Variants in CCDC102B observed in about 807,000 individuals in gnomAD.
CCDC102B encodes the protein coiled-coil domain containing 102B.
CCDC102B carries 75 observed loss-of-function variants against 57.4 expected under a neutral mutation model. The observed-to-expected ratio is 1.31, with a 90% CI of 1.08 to 1.58. CCDC102B has a LOEUF of 1.58. Among genes scored for constraint, CCDC102B ranks in the 40% most tolerant of loss-of-function variants. The pLI is 0.00. For synonymous variants in CCDC102B, 206 were observed against 201.9 expected, an observed-to-expected ratio of 1.02 and a Z score of -0.17; for missense variants, 636 against 582.6, an observed-to-expected ratio of 1.09 and a Z score of -0.94.
chr18:68,958,785 A>G (rs548955598), intron 6 of CCDC102B, among the ~76,000 whole-genome samples: 63 of 152,214 alleles, frequency 4.1e-4, no homozygotes, highest in South Asian at 1.2e-3. Flanking sequence ...CTGTTAACAG[A>G]CAGTGATCCA....
At chr18:69,046,216 C>A (rs1363431868) in intron 7 of CCDC102B, among the ~76,000 whole-genome samples, 1 of 152,100 alleles carries the variant, frequency 6.6e-6, no homozygotes, top group African/African-American at 2.4e-5. Context: ...CACTCCCACC[C>A]AAAATGCATA....
intron 1 of CCDC102B, among the ~76,000 whole-genome samples, chr18:68,821,799 C>T (rs1269261788): frequency 1.3e-5 from 2 of 151,776 alleles, no homozygotes; most frequent in African/African-American, 4.8e-5. Flanking sequence ...TTTTAAACAT[C>T]TAATAACCAT....
At chr18:68,812,454 G>A (rs1473294290) in intron 1 of CCDC102B, among the ~76,000 whole-genome samples, 1 of 152,072 alleles carries the variant, frequency 6.6e-6, no homozygotes, top group African/African-American at 2.4e-5. Context: ...TCATTATAAA[G>A]CAATAGAAAA....
intron 6 of CCDC102B, among the ~76,000 whole-genome samples, chr18:68,982,478 C>G (rs1453201929): frequency 1.3e-5 from 2 of 151,838 alleles, no homozygotes; most frequent in Non-Finnish European, 1.5e-5. Context: ...ATGTACTCAC[C>G]TAAACATTTT....
At chr18:68,906,334 T>A (rs2040642163) in intron 6 of CCDC102B, among the ~76,000 whole-genome samples, 1 of 152,194 alleles carries the variant, frequency 6.6e-6, no homozygotes, top group African/African-American at 2.4e-5. Context: ...TTGGGGTATA[T>A]ATCTAGGTGT....
chr18:68,715,388 T>C (rs1421094473), intron 1 of CCDC102B: 1 of 356,396 alleles, frequency 2.8e-6, no homozygotes, highest in Non-Finnish European at 4.3e-6. Context: ...CACTTGCAGG[T>C]TGAATACTGG....
chr18:68,731,983 A>G (rs2032890464), intron 2 of CCDC102B, among the ~76,000 whole-genome samples: 1 of 44,778 alleles, frequency 2.2e-5, no homozygotes, highest in Admixed American at 2.7e-4. Flanking sequence ...AAGTTATAGC[A>G]TCTGCTAAAT....
rs970259137 is a variant in CCDC102B, at chr18:68,798,731, T to C, written c.-16+550T>C. On this transcript the variant is annotated intron_variant, in intron 1 of 7. Transcript: ENST00000360242. ...TTGATTTCTTTACATGCTACCTGTA[T>C]AGTGTGGAGGAGACAGGGATACAGA... is the stretch of plus-strand genomic sequence containing the variant. Among the ~76,000 whole-genome samples the C allele has an allele frequency of 3.3e-5, 5 of 152,082 alleles. No homozygotes were observed. In the South Asian group the frequency reaches 1.0e-3, roughly 31 times the overall value.
At chr18:68,784,619 C>G (rs959463616) in intron 2 of CCDC102B, among the ~76,000 whole-genome samples, 1 of 151,976 alleles carries the variant, frequency 6.6e-6, no homozygotes, top group Non-Finnish European at 1.5e-5. Flanking sequence ...ATATGTTTTA[C>G]CACTCAATCA....
At chr18:68,811,915 G>C (rs1345231564) in intron 1 of CCDC102B, among the ~76,000 whole-genome samples, 1 of 152,148 alleles carries the variant, frequency 6.6e-6, no homozygotes, top group Non-Finnish European at 1.5e-5. Context: ...AATATGCTGA[G>C]AATGTTCACT....
At chr18:68,949,643 C>T (rs751505513) in intron 6 of CCDC102B, among the ~76,000 whole-genome samples, 9 of 152,040 alleles carry the variant, frequency 5.9e-5, no homozygotes, top group Non-Finnish European at 1.2e-4. Context: ...GACAAAGGAA[C>T]GATTTTCCTA....
At chr18:69,008,555 C>T (rs927632312) in intron 6 of CCDC102B, among the ~76,000 whole-genome samples, 8 of 152,154 alleles carry the variant, frequency 5.3e-5, no homozygotes, top group South Asian at 2.1e-4. Flanking sequence ...CTTCATTTGA[C>T]GCTCATGTCT....
intron 5 of CCDC102B, among the ~76,000 whole-genome samples, chr18:68,892,643 A>G (rs561067765): frequency 1.3e-5 from 2 of 152,124 alleles, no homozygotes; most frequent in South Asian, 2.1e-4. Flanking sequence ...AAACTATGCA[A>G]TTTTCAAAGG....
At chr18:68,815,110 T>C (rs1377123953) in intron 1 of CCDC102B, among the ~76,000 whole-genome samples, 3 of 152,192 alleles carry the variant, frequency 2.0e-5, no homozygotes, top group African/African-American at 7.2e-5. Context: ...ATAATAAACA[T>C]GATTTTTTAT....
At chr18:68,986,761 GT>G (rs1279532671) in intron 6 of CCDC102B, among the ~76,000 whole-genome samples, 3 of 151,698 alleles carry the variant, frequency 2.0e-5, no homozygotes, top group Admixed American at 2.0e-4. Flanking sequence ...ACAAAAGTCA[GT>G]GGCATTTCTA....
Position 68,836,750 on chromosome 18 carries a change from T to C in CCDC102B, c.-14T>C, listed in dbSNP as rs2037389906. 6.2e-7 allele frequency: 1 copy of C among 1,603,446 alleles called. No homozygotes were observed. The highest frequency in any genetic ancestry group is 1.3e-5 in the African/African-American group (1 of 74,456). ...ATTATGGTCTCTATCTTTTCTCAGGTCTTAAAAATAAATATGAATTTAGAT... is the reference window on the plus strand; with the variant it reads ...ATTATGGTCTCTATCTTTTCTCAGGCCTTAAAAATAAATATGAATTTAGAT... On this transcript the variant is annotated splice_region_variant and 5_prime_UTR_variant, in exon 2 of 8. Coordinates refer to ENST00000360242, the MANE Select transcript of CCDC102B (RefSeq NM_024781.3).
intron 4 of CCDC102B, among the ~76,000 whole-genome samples, chr18:68,870,710 G>C (rs2039206700): frequency 6.6e-6 from 1 of 152,146 alleles, no homozygotes; most frequent in Non-Finnish European, 1.5e-5. Context: ...GGGAGAAATG[G>C]TAGATTTGGT....
intron 5 of CCDC102B, among the ~76,000 whole-genome samples, chr18:68,883,446 CAGGT>C (rs2039764964): frequency 6.6e-6 from 1 of 151,990 alleles, no homozygotes; most frequent in African/African-American, 2.4e-5. Flanking sequence ...AAAGAAACAA[CAGGT>C]AGCTCTGATA....
chr18:69,032,859 G>A (rs548271545), intron 7 of CCDC102B, among the ~76,000 whole-genome samples: 25 of 152,116 alleles, frequency 1.6e-4, no homozygotes, highest in Admixed American at 9.2e-4. Flanking sequence ...CTCACTGGTC[G>A]TGAAGCTGGC....
Sources: allele counts gnomAD v4.1 joint callset (sites outside exome capture counted in the v4.1 genomes callset), GRCh38; gene constraint gnomAD v4.1.1; transcripts MANE v1.5; gene names NCBI Gene and HGNC (gene_info 2026-07-23, HGNC 2026-07-21).